LATS1: variants seen among roughly 807,000 people sequenced by gnomAD.
The protein encoded by LATS1 is serine/threonine-protein kinase LATS1.
LATS1 carries 25 observed loss-of-function variants against 106.6 expected under a neutral mutation model. That is an observed-to-expected ratio of 0.23 (90% CI 0.17 to 0.33). LATS1 has a LOEUF of 0.33. Among genes scored for constraint, LATS1 ranks in the 10% least tolerant of loss-of-function variants. LATS1 has a pLI of 1.00. For missense variants in LATS1, 1,040 were observed against 1,382.6 expected (o/e 0.75, Z 3.93); for synonymous variants, 465 against 455.6 (o/e 1.02, Z -0.26).
intron 7 of LATS1, among the ~76,000 whole-genome samples, chr6:149,668,748 C>T (rs1386717141): frequency 2.0e-5 from 3 of 151,800 alleles, no homozygotes; most frequent in Admixed American, 6.6e-5. Flanking sequence ...TTCAGCCTGT[C>T]ACCTTGAGTT....
In LATS1 at chr6:149,659,793, C is replaced by G. The variant is rs967950731; in HGVS notation, c.*1936G>C. The G allele has an allele frequency of 1.3e-5, 3 of 225,830 alleles. No homozygotes were observed. Among genetic ancestry groups the G allele is most frequent in the Admixed American group, 5.7e-5 (1 of 17,548 alleles). 14.0% of individuals were successfully genotyped at this position (225,830 alleles called of 1,614,324 possible). On this transcript the variant is annotated 3_prime_UTR_variant, in exon 8 of 8. Transcript: ENST00000543571. ...TGTTCCATGAACCATGAGGTGAAGACTGCGATTTCATGATAGCACATTGTT... is the reference window on the plus strand; with the variant it reads ...TGTTCCATGAACCATGAGGTGAAGAGTGCGATTTCATGATAGCACATTGTT...
At position 149,671,669 on chromosome 6, in the gene LATS1, CA is replaced by C. The variant is rs368033339; in HGVS notation, c.2883+4590del. ...TTTAAAATCAGGTAGTTGAACCCTCCAACTTTTCTTGTTAAAAATCGATTTT... is the reference window on the plus strand; with the variant it reads ...TTTAAAATCAGGTAGTTGAACCCTCCACTTTTCTTGTTAAAAATCGATTTT... On this transcript the variant is annotated intron_variant, in intron 7 of 7. Transcript: ENST00000543571. 1.4e-3 allele frequency among the ~76,000 whole-genome samples: 217 copies of C among 151,968 alleles called. 4 individuals carry two copies. Among genetic ancestry groups the C allele is most frequent in the African/African-American group, 3.9e-3 (163 of 41,316 alleles).
In LATS1 at chr6:149,684,190, T is replaced by C. The variant is rs778381175; in HGVS notation, c.899A>G (p.Tyr300Cys). Residue 300 changes from tyrosine to cysteine, a missense_variant, in exon 4 of 8, where the codon TAT becomes TGT. Tyr to Cys is a radical substitution (Grantham distance 194). Around this residue, in one of 7 missense-constraint regions of LATS1, gnomAD observed 624 missense variants for 714.8 expected, o/e 0.87. Transcript: ENST00000543571. ...PVPPGAWQEG[Y>C]PPPPLNTSPM... The stretch of plus-strand genomic sequence containing the variant: ...GGAAGTGTTGAGAGGTGGTGGAGGA[T>C]AGCCCTCTTGCCATGCCCCAGGTGG... The C allele has an allele frequency of 1.9e-4, 302 of 1,614,016 alleles. 3 individuals are homozygous for C. In the South Asian group the frequency reaches 3.0e-3, roughly 16 times the overall value.
chr6:149,701,800 C>T lies in LATS1; in HGVS notation c.327G>A (p.Leu109=), dbSNP rs775589346. The part of the protein sequence containing the change: ...SEVNPQMLQD[L]QAAGFDEDMV... ...TTACCTCATCAAATCCAGCAGCTTG[C>T]AAGTCTTGAAGCATTTGTGGATTAA... Residue 109 remains leucine (L), a synonymous_variant, in exon 2 of 8, where the codon TTG becomes TTA. Transcript: ENST00000543571. The T allele has an allele frequency of 4.3e-6, 7 of 1,611,782 alleles. No individual in the cohort carries two copies. The highest frequency in any genetic ancestry group is 5.9e-6 in the Non-Finnish European group (7 of 1,178,628).
chr6:149,717,056 T>C (rs905246023), intron 1 of LATS1, among the ~76,000 whole-genome samples: 2 of 152,254 alleles, frequency 1.3e-5, no homozygotes, highest in Non-Finnish European at 2.9e-5. Flanking sequence ...ACTGGAGTTA[T>C]ACAATATTAC....
At position 149,708,330 on chromosome 6, in the gene LATS1, G is replaced by A. The variant is rs1398470416; in HGVS notation, c.-140-6064C>T. The stretch of plus-strand genomic sequence containing the variant: ...CTCGGAAGGCTGAGGCAGGAGAATC[G>A]CTTGAACCACAGAGGCAGAGGTTGC... On this transcript the variant is annotated intron_variant, in intron 1 of 7. Coordinates refer to ENST00000543571, the MANE Select transcript of LATS1 (RefSeq NM_004690.4). 2.7e-5 allele frequency among the ~76,000 whole-genome samples: 4 copies of A among 150,634 alleles called. No homozygotes were observed. In the East Asian group the frequency reaches 7.8e-4, roughly 29 times the overall value.
chr6:149,677,987 T>A (rs1781810823), intron 5 of LATS1, among the ~76,000 whole-genome samples: 1 of 146,516 alleles, frequency 6.8e-6, no homozygotes. Flanking sequence ...GCCACTGCAC[T>A]CCAGCCTGGC....
intron 3 of LATS1, among the ~76,000 whole-genome samples, chr6:149,694,582 CCATTTTTTGCTTAAA>C (rs1782954623): frequency 6.6e-6 from 1 of 152,056 alleles, no homozygotes; most frequent in Non-Finnish European, 1.5e-5. Flanking sequence ...TAGTATGTTC[CCATTTTTTGCTTAAA>C]CAACAAGAAT....
intron 1 of LATS1, among the ~76,000 whole-genome samples, chr6:149,708,794 T>C (rs1783932668): frequency 6.6e-6 from 1 of 152,142 alleles, no homozygotes; most frequent in African/African-American, 2.4e-5. Context: ...ATTTCTGTTG[T>C]GTTAAGCCAT....
chr6:149,684,631 G>A, intron 3 of LATS1, 39 bp from the exon 4 acceptor site: 1 of 1,424,022 alleles, frequency 7.0e-7, no homozygotes, highest in Non-Finnish European at 9.4e-7. Context: ...AAAGAATCAT[G>A]TTTTTAACCT....
At chr6:149,670,652 G>C (rs1781395632) in intron 7 of LATS1, among the ~76,000 whole-genome samples, 1 of 152,066 alleles carries the variant, frequency 6.6e-6, no homozygotes. Flanking sequence ...GTGATTCCCT[G>C]AGGGACTAGC....
intron 7 of LATS1, among the ~76,000 whole-genome samples, chr6:149,673,739 T>C (rs1478125388): frequency 1.3e-5 from 2 of 151,214 alleles, no homozygotes; most frequent in African/African-American, 2.4e-5. Flanking sequence ...AATGGCGCGA[T>C]CTCGGCTCAC....
chr6:149,667,058 A>G (rs1230799221), intron 7 of LATS1, among the ~76,000 whole-genome samples: 4 of 152,180 alleles, frequency 2.6e-5, no homozygotes, highest in Non-Finnish European at 5.9e-5. Context: ...TAATGGAAAA[A>G]TAACCAAAAT....
intron 3 of LATS1, among the ~76,000 whole-genome samples, chr6:149,690,136 A>T (rs1467051617): frequency 1.3e-5 from 2 of 152,152 alleles, no homozygotes; most frequent in African/African-American, 4.8e-5. Flanking sequence ...TAGAAATTTG[A>T]CAGAATAAAC....
At chr6:149,697,798 T>A (rs1214316590) in intron 2 of LATS1, among the ~76,000 whole-genome samples, 1 of 151,918 alleles carries the variant, frequency 6.6e-6, no homozygotes, top group East Asian at 1.9e-4. Flanking sequence ...TGCAGTGGCG[T>A]GATCTCAGCT....
chr6:149,701,662 A>C (rs777245767), intron 2 of LATS1, 117 bp downstream of exon 2: 209 of 654,146 alleles, frequency 3.2e-4, no homozygotes, highest in Non-Finnish European at 4.8e-4. Flanking sequence ...AGAATACATA[A>C]ATGTGTATAC....
chr6:149,659,991 T>C lies in LATS1; in HGVS notation c.*1738A>G, dbSNP rs917029485. 79 of 232,050 alleles carry C rather than the reference T, an allele frequency of 3.4e-4. No homozygotes were observed. The highest frequency in any genetic ancestry group is 1.7e-3 in the African/African-American group (78 of 45,394). 14.4% of individuals were successfully genotyped at this position (232,050 alleles called of 1,614,324 possible). The stretch of plus-strand genomic sequence containing the variant: ...TACAGACCTTTTCCATCACAAATTA[T>C]CAGCTTATATAAGATGTGCTGAGTA... On this transcript the variant is annotated 3_prime_UTR_variant, in exon 8 of 8. Transcript: ENST00000543571.
chr6:149,672,905 T>C (rs9767727), intron 7 of LATS1, among the ~76,000 whole-genome samples: 67,693 of 151,562 alleles, frequency 0.45, 16,364 homozygotes, highest in East Asian at 0.81. Context: ...GATAGCACCA[T>C]TGCACTCCAG....
chr6:149,696,119 C>T (rs989975146), intron 2 of LATS1, among the ~76,000 whole-genome samples: 7 of 151,480 alleles, frequency 4.6e-5, no homozygotes, highest in African/African-American at 1.7e-4. Context: ...GTTGGCCAGG[C>T]TGGTCTCAAA....
Sources: allele counts gnomAD v4.1 joint callset (sites outside exome capture counted in the v4.1 genomes callset), GRCh38; gene constraint gnomAD v4.1.1; regional missense constraint gnomAD v4.1.1; transcripts MANE v1.5; gene names NCBI Gene and HGNC (gene_info 2026-07-23, HGNC 2026-07-21).